CTNNA2: variants seen among roughly 807,000 people sequenced by gnomAD.
The protein encoded by CTNNA2 is catenin alpha 2.
CTNNA2 carries 42 observed loss-of-function variants against 101.0 expected under a neutral mutation model. The observed-to-expected ratio is 0.42, with a 90% confidence interval of 0.32 to 0.54. The LOEUF (loss-of-function observed/expected upper bound fraction) is 0.54, where lower values mean the gene tolerates loss of function less well. Among genes scored for constraint, CTNNA2 ranks in the 20% least tolerant of loss-of-function variants. CTNNA2 has a pLI of 0.14. For missense variants in CTNNA2, 871 were observed against 1,223.1 expected, an observed-to-expected ratio of 0.71 and a Z score of 4.29; for synonymous variants, 450 against 456.4, an observed-to-expected ratio of 0.99 and a Z score of 0.18.
At chr2:79,370,356 T>C (rs1430997236) in intron 3 of CTNNA2, among the ~76,000 whole-genome samples, 1 of 152,188 alleles carries the variant, frequency 6.6e-6, no homozygotes, top group Non-Finnish European at 1.5e-5. Context: ...AGTGGATGAA[T>C]GATAGAACTA....
chr2:79,470,778 A>G lies in CTNNA2; in HGVS notation c.-134-34276A>G, dbSNP rs1670989532. On this transcript the variant is annotated intron_variant, in intron 4 of 21. Transcript: ENST00000466387. The stretch of plus-strand genomic sequence containing the variant: ...TGCAGATATTTCTTATTTTACTCTC[A>G]TTGATGTGGAACACTGTTTGTATAA... Among the ~76,000 whole-genome samples, 3 of 152,282 alleles carry G rather than the reference A, an allele frequency of 2.0e-5. 1 individual carries two copies. In the South Asian group the frequency reaches 6.2e-4, roughly 32 times the overall value.
At chr2:79,984,661 G>A (rs1691635293) in intron 7 of CTNNA2, among the ~76,000 whole-genome samples, 1 of 152,122 alleles carries the variant, frequency 6.6e-6, no homozygotes, top group Non-Finnish European at 1.5e-5. Context: ...TGTGCTGAGG[G>A]CAGAGGGGCA....
intron 7 of CTNNA2, among the ~76,000 whole-genome samples, chr2:80,136,155 A>G (rs1467554502): frequency 6.6e-6 from 1 of 152,110 alleles, no homozygotes; most frequent in African/African-American, 2.4e-5. Flanking sequence ...AGTTCCTGAG[A>G]AGTGCCTGGA....
intron 1 of CTNNA2, among the ~76,000 whole-genome samples, chr2:79,576,284 G>T (rs1038451279): frequency 6.6e-6 from 1 of 152,110 alleles, no homozygotes; most frequent in Admixed American, 6.5e-5. Context: ...GAAGGGAGAA[G>T]AATTTTACAA....
intron 4 of CTNNA2, among the ~76,000 whole-genome samples, chr2:79,399,117 A>G (rs1451336614): frequency 6.6e-6 from 1 of 152,148 alleles, no homozygotes; most frequent in Non-Finnish European, 1.5e-5. Context: ...GCTTAGTGCA[A>G]ACAGCCATAC....
chr2:79,313,452 G>C (rs918377754), intron 3 of CTNNA2, among the ~76,000 whole-genome samples: 51 of 152,158 alleles, frequency 3.4e-4, no homozygotes, highest in Admixed American at 7.2e-4. Context: ...TACTGGTATA[G>C]TTACTATTTC....
intron 18 of CTNNA2, among the ~76,000 whole-genome samples, chr2:80,620,199 G>A (rs917733016): frequency 1.3e-5 from 2 of 151,742 alleles, no homozygotes; most frequent in African/African-American, 4.8e-5. Flanking sequence ...TGGGATGAAA[G>A]CATCCTGGTG....
chr2:79,962,909 A>G (rs1403862288), intron 7 of CTNNA2, among the ~76,000 whole-genome samples: 1 of 151,948 alleles, frequency 6.6e-6, no homozygotes, highest in Non-Finnish European at 1.5e-5. Flanking sequence ...GTCTCTACTA[A>G]AAATATAAAA....
At chr2:79,738,019 G>C (rs1370622121) in intron 2 of CTNNA2, among the ~76,000 whole-genome samples, 1 of 152,270 alleles carries the variant, frequency 6.6e-6, no homozygotes, top group Middle Eastern at 3.4e-3. Flanking sequence ...ACAACATATC[G>C]CAAGAAAGAG....
intron 2 of CTNNA2, among the ~76,000 whole-genome samples, chr2:79,674,042 A>T (rs1683026213): frequency 6.6e-6 from 1 of 152,192 alleles, no homozygotes; most frequent in African/African-American, 2.4e-5. Flanking sequence ...GCTCATTTAA[A>T]TGCAGGTTCC....
At chr2:80,364,921 G>C (rs1451706751) in intron 7 of CTNNA2, among the ~76,000 whole-genome samples, 2 of 152,110 alleles carry the variant, frequency 1.3e-5, no homozygotes, top group African/African-American at 4.8e-5. Flanking sequence ...GAAGAAACTC[G>C]GGTTTATGAT....
At chr2:79,456,304 G>A (rs889972582) in intron 4 of CTNNA2, among the ~76,000 whole-genome samples, 1 of 151,838 alleles carries the variant, frequency 6.6e-6, no homozygotes, top group African/African-American at 2.4e-5. Context: ...AAAATGTTGA[G>A]ATTCTACATC....
intron 2 of CTNNA2, among the ~76,000 whole-genome samples, chr2:79,255,619 A>G (rs1674835146): frequency 6.6e-6 from 1 of 152,202 alleles, no homozygotes; most frequent in Admixed American, 6.5e-5. Flanking sequence ...AGACTGGAAC[A>G]TAGCAAAAGA....
chr2:79,610,183 G>A (rs1678173436), intron 1 of CTNNA2, among the ~76,000 whole-genome samples: 1 of 152,004 alleles, frequency 6.6e-6, no homozygotes, highest in African/African-American at 2.4e-5. Flanking sequence ...AGCATCATTG[G>A]TCACTAAGGA....
intron 7 of CTNNA2, among the ~76,000 whole-genome samples, chr2:80,358,777 G>T (rs1318049809): frequency 6.6e-6 from 1 of 151,826 alleles, no homozygotes; most frequent in Non-Finnish European, 1.5e-5. Flanking sequence ...AGTTGCAAAG[G>T]ATGCACTTTC....
intron 4 of CTNNA2, among the ~76,000 whole-genome samples, chr2:79,416,105 G>C (rs74448458): frequency 2.0e-5 from 3 of 151,938 alleles, no homozygotes; most frequent in Non-Finnish European, 4.4e-5. Context: ...TTATTTCAGC[G>C]TTCTTCCCAG....
chr2:79,448,386 CA>C (rs1321047153), intron 4 of CTNNA2, among the ~76,000 whole-genome samples: 2 of 151,910 alleles, frequency 1.3e-5, no homozygotes, highest in African/African-American at 4.8e-5. Flanking sequence ...ATTATGTATG[CA>C]TTATGTTTTG....
At chr2:79,433,684 G>C (rs1021476759) in intron 4 of CTNNA2, among the ~76,000 whole-genome samples, 34 of 145,098 alleles carry the variant, frequency 2.3e-4, no homozygotes, top group Admixed American at 2.1e-3. Flanking sequence ...ATTGATGCCA[G>C]GACAAAGGAA....
At position 79,564,142 on chromosome 2, in the gene CTNNA2, G is replaced by A. The variant is rs1484782922; in HGVS notation, c.-6+50935G>A. Among the ~76,000 whole-genome samples, 4 of 151,946 alleles carry A rather than the reference G, an allele frequency of 2.6e-5. No individual in the cohort carries two copies. The East Asian group carries it at 7.8e-4, about 29-fold the overall frequency. ...AATGCAGCTGCCTTCGTTACAGGGA[G>A]GTGATAAAAACCGCATGCTGAGCTG... On this transcript the variant is annotated intron_variant, in intron 1 of 18. Coordinates refer to ENST00000402739, the MANE Select transcript of CTNNA2 (RefSeq NM_001282597.3).
Sources: gnomAD v4.1 joint callset for allele counts (sites outside exome capture counted in the v4.1 genomes callset) on GRCh38, gnomAD v4.1.1 for gene constraint, MANE v1.5 for transcripts, NCBI Gene and HGNC (gene_info 2026-07-23, HGNC 2026-07-21) for gene names.